UST: variants seen among roughly 807,000 people sequenced by gnomAD.
UST encodes the protein uronyl 2-sulfotransferase, also known as chondroitin sulfate 2-O-sulfotransferase.
A neutral mutation model predicts 45.6 loss-of-function variants in UST; 21 were observed. The observed-to-expected ratio is 0.46, with a 90% CI of 0.33 to 0.66. The LOEUF (loss-of-function observed/expected upper bound fraction) is 0.66, where lower values mean the gene tolerates loss of function less well. Among genes scored for constraint, UST ranks in the 30% least tolerant of loss-of-function variants. The pLI, the probability that UST is intolerant of heterozygous loss-of-function variation, is 0.02. For missense variants in UST, 463 were observed against 512.4 expected (o/e 0.90, Z 0.93); for synonymous variants, 215 against 200.6 (o/e 1.07, Z -0.61).
chr6:148,971,373 A>G (rs964046921), intron 5 of UST, among the ~76,000 whole-genome samples: 1 of 152,224 alleles, frequency 6.6e-6, no homozygotes, highest in Non-Finnish European at 1.5e-5. Context: ...GGACACTGTC[A>G]GTCCTCATGG....
At chr6:148,866,364 G>A (rs777680309) in intron 1 of UST, among the ~76,000 whole-genome samples, 7 of 151,124 alleles carry the variant, frequency 4.6e-5, no homozygotes, top group African/African-American at 1.2e-4. Context: ...AAATAAGGAC[G>A]TCAACTATGG....
chr6:148,975,232 G>A (rs1780993258), intron 5 of UST, among the ~76,000 whole-genome samples: 1 of 152,032 alleles, frequency 6.6e-6, no homozygotes, highest in Non-Finnish European at 1.5e-5. Flanking sequence ...CTCATACATT[G>A]CTTTTTAAAC....
intron 7 of UST, among the ~76,000 whole-genome samples, chr6:149,040,219 A>G (rs1210294754): frequency 6.6e-6 from 1 of 152,162 alleles, no homozygotes; most frequent in Non-Finnish European, 1.5e-5. Context: ...GTTTGATTCC[A>G]TTTGTATATC....
chr6:149,030,477 C>CAA (rs60277138), intron 7 of UST, among the ~76,000 whole-genome samples: 4,882 of 147,688 alleles, frequency 0.033, 170 homozygotes, highest in South Asian at 0.087. Context: ...CTGTTTCTAC[C>CAA]AAAAAAAAAA....
chr6:148,761,086 C>T (rs1047112117), intron 1 of UST, among the ~76,000 whole-genome samples: 1 of 152,188 alleles, frequency 6.6e-6, no homozygotes, highest in African/African-American at 2.4e-5. Context: ...CTCCTCCCAC[C>T]GCTTTTCTGA....
At chr6:148,833,206 G>A (rs1352505544) in intron 1 of UST, among the ~76,000 whole-genome samples, 2 of 152,226 alleles carry the variant, frequency 1.3e-5, no homozygotes, top group African/African-American at 4.8e-5. Context: ...TGTGGAACCT[G>A]ACCAGGCGCA....
chr6:149,020,367 T>A lies in UST; in HGVS notation c.780-957T>A, dbSNP rs1011133003. ...CCTGGTTAACATTTAGTGCTTCAGG[T>A]ATTGGGAAGATTTGGGGCTGGATGA... On this transcript the variant is annotated intron_variant, in intron 6 of 7. Transcript: ENST00000367463. Among the ~76,000 whole-genome samples, 3 of 152,112 alleles carry A rather than the reference T, an allele frequency of 2.0e-5. No homozygotes were observed. In the East Asian group the frequency reaches 5.8e-4, roughly 29 times the overall value.
intron 7 of UST, among the ~76,000 whole-genome samples, chr6:149,045,602 G>A (rs1055420564): frequency 6.6e-6 from 1 of 152,244 alleles, no homozygotes; most frequent in South Asian, 2.1e-4. Flanking sequence ...TCCACCACAG[G>A]GAGGTGACTG....
rs542394517 is a variant in UST at position 148,748,508 on chromosome 6, G to T, written c.247+831G>T. On this transcript the variant is annotated intron_variant, in intron 1 of 7. Transcript: ENST00000367463. The surrounding 1 kb of genome is among the most constrained non-coding windows in gnomAD (Gnocchi z 5.3). ...AGCAGAAGTAAGGAAGGGGTTTGAC[G>T]GGAGGGAAAGAGCCGCTCCAGCGAG... Among the ~76,000 whole-genome samples the T allele has an allele frequency of 6.6e-6, 1 of 151,862 alleles. No homozygotes were observed. Among genetic ancestry groups the T allele is most frequent in the Admixed American group, 6.6e-5 (1 of 15,262 alleles).
chr6:148,909,006 C>G lies in UST; in HGVS notation c.291+21977C>G, dbSNP rs147379466. 1.0e-3 allele frequency among the ~76,000 whole-genome samples: 153 copies of G among 152,190 alleles called. 1 individual carries two copies. The highest frequency in any genetic ancestry group is 3.5e-3 in the African/African-American group (147 of 41,518). On this transcript the variant is annotated intron_variant, in intron 2 of 7. Coordinates refer to ENST00000367463, the MANE Select transcript of UST (RefSeq NM_005715.3). ...TACTGTTGATTTTGTGGTTGTATGACCATTGAATGCTTGAATTATAGCTCA... is the reference window on the plus strand; with the variant it reads ...TACTGTTGATTTTGTGGTTGTATGAGCATTGAATGCTTGAATTATAGCTCA...
chr6:148,987,658 A>T (rs1781262897), intron 5 of UST, among the ~76,000 whole-genome samples: 1 of 152,136 alleles, frequency 6.6e-6, no homozygotes, highest in Admixed American at 6.5e-5. Context: ...CTTGTACATC[A>T]CTTCCAAAAA....
rs367898928 is a variant in UST at position 148,952,983 on chromosome 6, A to G, written c.448-889A>G. ...TCCAGAAGGCCATAAAAGTTAGTTT[A>G]TACGAATATAAACTACTTTTTGCCT... On this transcript the variant is annotated intron_variant, in intron 3 of 7. Transcript: ENST00000367463. 3.3e-5 allele frequency among the ~76,000 whole-genome samples: 5 copies of G among 152,346 alleles called. No homozygotes were observed. The East Asian group carries it at 7.7e-4, about 24-fold the overall frequency.
At chr6:148,984,900 A>G (rs1273637921) in intron 5 of UST, among the ~76,000 whole-genome samples, 1 of 152,242 alleles carries the variant, frequency 6.6e-6, no homozygotes, top group Non-Finnish European at 1.5e-5. Context: ...GTCATGGTAC[A>G]TGAGACCAAG....
intron 2 of UST, among the ~76,000 whole-genome samples, chr6:148,904,331 C>A (rs1342186926): frequency 6.6e-6 from 1 of 152,088 alleles, no homozygotes; most frequent in Admixed American, 6.5e-5. Flanking sequence ...GATATATATT[C>A]ATGGATGATG....
chr6:148,923,648 T>G lies in UST; in HGVS notation c.292-17631T>G, dbSNP rs567793136. ...TTGGCTGGGTGCGGTGGCTCATGCC[T>G]GTAATCCCAGCACTTTGGGAGGCCG... On this transcript the variant is annotated intron_variant, in intron 2 of 7. Transcript: ENST00000367463. 3.3e-4 allele frequency among the ~76,000 whole-genome samples: 51 copies of G among 152,350 alleles called. No homozygotes were observed. In the South Asian group the frequency reaches 4.8e-3, roughly 14 times the overall value.
chr6:149,041,002 C>T (rs1279345402), intron 7 of UST, among the ~76,000 whole-genome samples: 1 of 152,164 alleles, frequency 6.6e-6, no homozygotes, highest in African/African-American at 2.4e-5. Flanking sequence ...CCTGGGTGGA[C>T]CTCTGTTATA....
At chr6:148,932,115 C>T (rs1779932473) in intron 2 of UST, among the ~76,000 whole-genome samples, 1 of 152,206 alleles carries the variant, frequency 6.6e-6, no homozygotes. Context: ...CGCGGTGCCT[C>T]ATGCCTGTAA....
intron 2 of UST, among the ~76,000 whole-genome samples, chr6:148,900,448 T>C (rs1422983795): frequency 1.3e-5 from 2 of 152,198 alleles, no homozygotes; most frequent in Non-Finnish European, 2.9e-5. Flanking sequence ...ATAGTAAGTC[T>C]CACGAGATCT....
chr6:149,019,069 A>T, intron 5 of UST, 70 bp from the exon 6 acceptor site: 1 of 1,143,130 alleles, frequency 8.7e-7, no homozygotes, highest in Non-Finnish European at 1.3e-6. Flanking sequence ...AATTTTACTT[A>T]AACTGTGTGG....
Sources: gnomAD v4.1 joint callset for allele counts (sites outside exome capture counted in the v4.1 genomes callset) on GRCh38, gnomAD v4.1.1 for gene constraint, Gnocchi (gnomAD v3.1) non-coding constraint, MANE v1.5 for transcripts, NCBI Gene and HGNC (gene_info 2026-07-23, HGNC 2026-07-21) for gene names.